QSOX1: variants seen among roughly 807,000 people sequenced by gnomAD.
QSOX1 encodes the protein sulfhydryl oxidase 1.
A neutral mutation model predicts 76.1 loss-of-function variants in QSOX1; 40 were observed. The observed-to-expected ratio is 0.53, with a 90% CI of 0.41 to 0.68. QSOX1 has a LOEUF of 0.68. Ranked by LOEUF, QSOX1 falls within the 30% of genes least tolerant of loss-of-function variation. The pLI is 0.00. For missense variants in QSOX1, 931 were observed against 974.3 expected (o/e 0.96, Z 0.59); for synonymous variants, 392 against 413.1 (o/e 0.95, Z 0.62).
chr1:180,174,902 T>A (rs1005882145), intron 2 of QSOX1, among the ~76,000 whole-genome samples: 1 of 151,840 alleles, frequency 6.6e-6, no homozygotes, highest in Non-Finnish European at 1.5e-5. Context: ...CCTATAATCC[T>A]GACACTTTGG....
At chr1:180,190,381 C>T (rs1663278260) in intron 9 of QSOX1, 52 bp from the exon 10 acceptor site, 10 of 1,565,304 alleles carry the variant, frequency 6.4e-6, no homozygotes, top group Admixed American at 3.3e-5. Flanking sequence ...GTCTCTGCCT[C>T]TCCCATCCTT....
At chr1:180,187,993 A>G (rs1000614938) in intron 8 of QSOX1, among the ~76,000 whole-genome samples, 1 of 151,872 alleles carries the variant, frequency 6.6e-6, no homozygotes, top group Non-Finnish European at 1.5e-5. Flanking sequence ...TGTTCTTTGT[A>G]TATTAGCTCC....
At position 180,197,517 on chromosome 1, in the gene QSOX1, A is replaced by G; in HGVS notation, c.*480A>G. The stretch of plus-strand genomic sequence containing the variant: ...TTCCGGACAATGAAGAAGCCTTTGC[A>G]CCCTGGGAGGAAGGACCACCCCGGG... On this transcript the variant is annotated 3_prime_UTR_variant, in exon 12 of 12. Coordinates refer to ENST00000367602, the MANE Select transcript of QSOX1 (RefSeq NM_002826.5). 1 of 1,022,702 alleles carries G rather than the reference A, an allele frequency of 9.8e-7. No individual in the cohort carries two copies. The highest frequency in any genetic ancestry group is 1.4e-6 in the Non-Finnish European group (1 of 697,528). 63.4% of individuals were successfully genotyped at this position (1,022,702 alleles called of 1,614,324 possible). A position where few individuals can be genotyped will look rare whatever the true frequency, so the allele number is the denominator to read the frequency against.
intron 9 of QSOX1, 123 bp from the exon 10 acceptor site, chr1:180,190,310 A>C: frequency 8.9e-7 from 1 of 1,129,372 alleles, no homozygotes; most frequent in Non-Finnish European, 1.3e-6. Context: ...GGGAAATGCC[A>C]CCTTCGAGGT....
intron 10 of QSOX1, among the ~76,000 whole-genome samples, chr1:180,191,861 C>T (rs1663323150): frequency 1.3e-5 from 2 of 152,066 alleles, no homozygotes; most frequent in African/African-American, 4.8e-5. Context: ...CAGTAGACGT[C>T]TGTTGTCTGA....
rs1373773729 is a variant in QSOX1, at chr1:180,154,911, A to T, written c.4A>T (p.Arg2Trp). 16 of 1,448,856 alleles carry T rather than the reference A, an allele frequency of 1.1e-5. No individual in the cohort carries two copies. In the Admixed American group the frequency reaches 3.7e-4, roughly 33 times the overall value. The allele number at this position is 1,448,856 out of a possible 1,614,324, so 89.8% of individuals were successfully genotyped here. ...GGTGGTGAGCGCAGCGCCGAGGATG[A>T]GGAGGTGCAACAGCGGCTCCGGGCC... MRRCNSGSGPPP... is the reference protein window; with the variant it reads MWRCNSGSGPPP... The change falls in exon 1 of 12, where the codon AGG becomes TGG. Residue 2 changes from arginine (R) to tryptophan (W), a missense_variant. Transcript: ENST00000367602.
intron 4 of QSOX1, among the ~76,000 whole-genome samples, chr1:180,178,117 C>T (rs1662942265): frequency 6.6e-6 from 1 of 152,168 alleles, no homozygotes; most frequent in African/African-American, 2.4e-5. Context: ...CTCAGGGGAC[C>T]AATAAAAACC....
chr1:180,174,700 G>C (rs1662841875), intron 2 of QSOX1, among the ~76,000 whole-genome samples: 1 of 152,160 alleles, frequency 6.6e-6, no homozygotes, highest in African/African-American at 2.4e-5. Flanking sequence ...TTACATGCTA[G>C]GTACTGTGCT....
chr1:180,181,986 A>G (rs1663049752), intron 5 of QSOX1, among the ~76,000 whole-genome samples, 188 bp from the exon 6 acceptor site: 1 of 152,216 alleles, frequency 6.6e-6, no homozygotes, highest in Non-Finnish European at 1.5e-5. Flanking sequence ...GGCACTTGCT[A>G]CCTACTGGTT....
Position 180,202,100 on chromosome 1 carries a change from A to C in QSOX1, c.*5063A>C, listed in dbSNP as rs571616215. On this transcript the variant is annotated 3_prime_UTR_variant, in exon 12 of 12. Coordinates refer to ENST00000367602, the MANE Select transcript of QSOX1 (RefSeq NM_002826.5). Reference sequence around the variant, plus strand: ...CAGTGGAAGAGAGTCTGGAAATCACAAGGCAGAGGAGGAGACCTTTGCCAA... The same window carrying C: ...CAGTGGAAGAGAGTCTGGAAATCACCAGGCAGAGGAGGAGACCTTTGCCAA... The C allele has an allele frequency of 9.2e-5, 14 of 152,372 alleles. No homozygotes were observed. Among genetic ancestry groups the C allele is most frequent in the African/African-American group, 3.4e-4 (14 of 41,566 alleles). 9.4% of individuals were successfully genotyped at this position (152,372 alleles called of 1,614,324 possible).
intron 1 of QSOX1, among the ~76,000 whole-genome samples, chr1:180,162,540 A>C (rs985974902): frequency 6.6e-6 from 1 of 152,172 alleles, no homozygotes; most frequent in Non-Finnish European, 1.5e-5. Flanking sequence ...GTTCGAGACC[A>C]GTCTGGGCAA....
rs1663639022 is a variant in QSOX1 at position 180,201,528 on chromosome 1, C to T, written c.*4491C>T. 6.6e-6 allele frequency: 1 copy of T among 152,272 alleles called. No individual in the cohort carries two copies. Among genetic ancestry groups the T allele is most frequent in the East Asian group, 1.9e-4 (1 of 5,184 alleles). 9.4% of individuals were successfully genotyped at this position (152,272 alleles called of 1,614,324 possible). On this transcript the variant is annotated 3_prime_UTR_variant, in exon 12 of 12. Coordinates refer to ENST00000367602, the MANE Select transcript of QSOX1 (RefSeq NM_002826.5). ...TCCTTGGGCAGGGCGATAGGATTCC[C>T]ACCCCTAGCTTTAAGAACTAAACCA...
At chr1:180,156,010 A>G (rs531006611) in intron 1 of QSOX1, among the ~76,000 whole-genome samples, 1 of 152,370 alleles carries the variant, frequency 6.6e-6, no homozygotes, top group Non-Finnish European at 1.5e-5. Context: ...GTAGAAGGAT[A>G]GGAAAAAACC....
intron 5 of QSOX1, among the ~76,000 whole-genome samples, chr1:180,180,696 T>A (rs1663008980): frequency 6.6e-6 from 1 of 152,146 alleles, no homozygotes; most frequent in East Asian, 1.9e-4. Context: ...TTTATATTTT[T>A]AGTAGAGACG....
At chr1:180,192,083 A>G (rs1031009114) in intron 10 of QSOX1, among the ~76,000 whole-genome samples, 1 of 151,918 alleles carries the variant, frequency 6.6e-6, no homozygotes, top group Non-Finnish European at 1.5e-5. Flanking sequence ...CTCTTTAAAG[A>G]CCCTGTCTCC....
At position 180,154,900 on chromosome 1, in the gene QSOX1, C is replaced by A. The variant is rs371215494; in HGVS notation, c.-8C>A. ...TGCTTGCGTGTGGTGGTGAGCGCAG[C>A]GCCGAGGATGAGGAGGTGCAACAGC... is the stretch of plus-strand genomic sequence containing the variant. On this transcript the variant is annotated 5_prime_UTR_variant, in exon 1 of 12. Transcript: ENST00000367602. 1.5e-3 allele frequency: 2,177 copies of A among 1,429,954 alleles called. 31 individuals are homozygous for A. In the African/African-American group the frequency reaches 0.028, roughly 18 times the overall value. 88.6% of individuals were successfully genotyped at this position (1,429,954 alleles called of 1,614,324 possible).
intron 5 of QSOX1, among the ~76,000 whole-genome samples, chr1:180,181,738 AAGG>A (rs1663041881): frequency 6.6e-6 from 1 of 152,186 alleles, no homozygotes; most frequent in South Asian, 2.1e-4. Flanking sequence ...ATGTTATGAG[AAGG>A]CCCTGGGGAA....
At chr1:180,186,635 A>G (rs1023784110) in intron 8 of QSOX1, among the ~76,000 whole-genome samples, 1 of 152,212 alleles carries the variant, frequency 6.6e-6, no homozygotes. Flanking sequence ...GGCCCTGGCC[A>G]TGCCTTCCTT....
At chr1:180,160,130 A>G (rs1662462137) in intron 1 of QSOX1, among the ~76,000 whole-genome samples, 1 of 152,158 alleles carries the variant, frequency 6.6e-6, no homozygotes, top group African/African-American at 2.4e-5. Flanking sequence ...GACTCTCCCC[A>G]GGATAATACT....
Sources: gnomAD v4.1 joint callset for allele counts (sites outside exome capture counted in the v4.1 genomes callset) on GRCh38, gnomAD v4.1.1 for gene constraint, MANE v1.5 for transcripts, NCBI Gene and HGNC (gene_info 2026-07-23, HGNC 2026-07-21) for gene names.